Variants in ALK observed in about 807,000 individuals in gnomAD.
ALK encodes ALK tyrosine kinase receptor.
In ALK, 74 loss-of-function variants were observed where a neutral mutation model predicts 163.1. The ratio of observed to expected loss-of-function variants is 0.45; its 90% CI spans 0.38 to 0.55. The LOEUF is 0.55. ALK is among the 20% of genes least tolerant of loss of function. The pLI, the probability that ALK is intolerant of heterozygous loss-of-function variation, is 0.00. For synonymous variants in ALK, 960 were observed against 843.2 expected (o/e 1.14, Z -2.40); for missense variants, 2,063 against 2,105.3 (o/e 0.98, Z 0.39).
chr2:29,360,716 G>A (rs1573280321), intron 5 of ALK, among the ~76,000 whole-genome samples: 1 of 152,248 alleles, frequency 6.6e-6, no homozygotes, highest in African/African-American at 2.4e-5. Context: ...GGGCCATAAT[G>A]GTGGTAAAAA....
chr2:29,739,290 T>C (rs1383076589), intron 1 of ALK, among the ~76,000 whole-genome samples: 1 of 140,580 alleles, frequency 7.1e-6, no homozygotes, highest in Non-Finnish European at 1.5e-5. Context: ...CAGGTGCCAG[T>C]GGCTCACACC....
chr2:29,316,427 A>T (rs1399549723), intron 8 of ALK, among the ~76,000 whole-genome samples: 1 of 151,962 alleles, frequency 6.6e-6, no homozygotes, highest in African/African-American at 2.4e-5. Context: ...AGACTGCAGG[A>T]AAAATAAAAC....
At chr2:29,530,949 G>C (rs1673103922) in intron 4 of ALK, among the ~76,000 whole-genome samples, 1 of 152,208 alleles carries the variant, frequency 6.6e-6, no homozygotes, top group South Asian at 2.1e-4. Context: ...ATACAGATGG[G>C]TTAATGGCTG....
At chr2:29,447,735 C>T (rs1462021827) in intron 4 of ALK, among the ~76,000 whole-genome samples, 3 of 152,190 alleles carry the variant, frequency 2.0e-5, no homozygotes, top group Non-Finnish European at 4.4e-5. Context: ...GGCACAGGCC[C>T]TCCAGGTAGC....
At chr2:29,205,723 C>T (rs1042666096) in intron 26 of ALK, among the ~76,000 whole-genome samples, 6 of 152,120 alleles carry the variant, frequency 3.9e-5, no homozygotes, top group African/African-American at 1.4e-4. Context: ...AGGATACTTG[C>T]GATGGCATTT....
intron 3 of ALK, among the ~76,000 whole-genome samples, chr2:29,683,286 A>T (rs1678131834): frequency 6.6e-6 from 1 of 152,136 alleles, no homozygotes; most frequent in South Asian, 2.1e-4. Flanking sequence ...CTGAGGCAGG[A>T]GAATCGCTTG....
intron 1 of ALK, among the ~76,000 whole-genome samples, chr2:29,824,780 C>G (rs772897114): frequency 3.3e-5 from 5 of 152,156 alleles, no homozygotes; most frequent in African/African-American, 4.8e-5. Context: ...TGCCTTGTCT[C>G]AGATGAGATG....
rs1367980099 is a variant in ALK at position 29,582,804 on chromosome 2, C to T, written c.953-50688G>A. Among the ~76,000 whole-genome samples, 3 of 151,116 alleles carry T rather than the reference C, an allele frequency of 2.0e-5. No homozygotes were observed. The South Asian group carries it at 6.3e-4, about 32-fold the overall frequency. ...ACCAGAGAGAACTAGAATTTTTTTC[C>T]AGTGTCAACTTCACACAAGGAAAAG... On this transcript the variant is annotated intron_variant, in intron 3 of 28. Transcript: ENST00000389048.
rs555230806 is a variant in ALK at position 29,273,293 on chromosome 2, T to C, written c.2041+1806A>G. The stretch of plus-strand genomic sequence containing the variant: ...GGTGTGGCCTTGGCCTCTGCCTCCA[T>C]GAGTCTGCCTGGACCCATAGGCACT... On this transcript the variant is annotated intron_variant, in intron 11 of 28. Transcript: ENST00000389048. Among the ~76,000 whole-genome samples the C allele has an allele frequency of 5.3e-5, 8 of 152,362 alleles. No individual in the cohort carries two copies. The East Asian group carries it at 9.6e-4, about 18-fold the overall frequency.
intron 3 of ALK, among the ~76,000 whole-genome samples, chr2:29,559,768 C>CGTGTGT (rs56285031): frequency 0.14 from 20,675 of 142,974 alleles, 1,755 homozygotes; most frequent in East Asian, 0.32. Context: ...GGAGCATGTA[C>CGTGTGT]GTGTGTGTGT....
intron 1 of ALK, among the ~76,000 whole-genome samples, chr2:29,839,329 C>T (rs1665641880): frequency 6.6e-6 from 1 of 151,862 alleles, no homozygotes; most frequent in Non-Finnish European, 1.5e-5. Context: ...TTTTTAAGTA[C>T]CTAGAGATGC....
chr2:29,757,734 A>T (rs1412538335), intron 1 of ALK, among the ~76,000 whole-genome samples: 2 of 152,056 alleles, frequency 1.3e-5, no homozygotes, highest in African/African-American at 4.8e-5. Flanking sequence ...CAAGACAGTA[A>T]ATATTTTGTG....
chr2:29,832,487 C>T (rs1029736944), intron 1 of ALK, among the ~76,000 whole-genome samples: 2 of 152,246 alleles, frequency 1.3e-5, no homozygotes, highest in Admixed American at 1.3e-4. Context: ...ATGTAGGGTG[C>T]ACATGAGAGT....
intron 2 of ALK, among the ~76,000 whole-genome samples, chr2:29,712,959 G>A (rs1679150687): frequency 6.6e-6 from 1 of 152,162 alleles, no homozygotes; most frequent in African/African-American, 2.4e-5. Context: ...ACCATCAACT[G>A]GGTGGCTTAA....
chr2:29,782,558 C>G (rs1362219047), intron 1 of ALK, among the ~76,000 whole-genome samples: 3 of 152,226 alleles, frequency 2.0e-5, no homozygotes, highest in Non-Finnish European at 4.4e-5. Context: ...AAGATCCCCT[C>G]TGGCGTCAGA....
At chr2:29,663,974 G>C (rs1375889529) in intron 3 of ALK, among the ~76,000 whole-genome samples, 4 of 152,050 alleles carry the variant, frequency 2.6e-5, no homozygotes, top group African/African-American at 4.8e-5. Context: ...ACAAGGAGAG[G>C]GCAAAAAGAG....
At chr2:29,294,288 T>C (rs1340650230) in intron 9 of ALK, among the ~76,000 whole-genome samples, 1 of 152,234 alleles carries the variant, frequency 6.6e-6, no homozygotes, top group East Asian at 1.9e-4. Flanking sequence ...TGCTTTTTGC[T>C]CCTCCATCAG....
chr2:29,882,382 C>T (rs539592119), intron 1 of ALK, among the ~76,000 whole-genome samples: 7 of 152,232 alleles, frequency 4.6e-5, no homozygotes, highest in Admixed American at 6.5e-5. Context: ...TAAATTGAAA[C>T]TTAATTTGTT....
At chr2:29,554,862 C>T (rs902683284) in intron 3 of ALK, among the ~76,000 whole-genome samples, 1 of 152,090 alleles carries the variant, frequency 6.6e-6, no homozygotes, top group Admixed American at 6.5e-5. Flanking sequence ...CCAACCCCAC[C>T]AAAACCAAGA....
Sources: allele counts gnomAD v4.1 joint callset (sites outside exome capture counted in the v4.1 genomes callset), GRCh38; gene constraint gnomAD v4.1.1; transcripts MANE v1.5; gene names NCBI Gene and HGNC (gene_info 2026-07-23, HGNC 2026-07-21).